Variants in UGT1A9 observed in about 807,000 individuals in gnomAD.
UGT1A9 encodes UDP-glucuronosyltransferase 1A9.
Under a neutral mutation model 45.0 loss-of-function variants are expected in UGT1A9, and 35 were observed. That is an observed-to-expected ratio of 0.78 (90% CI 0.59 to 1.03). The LOEUF (loss-of-function observed/expected upper bound fraction) is 1.03, where lower values mean the gene tolerates loss of function less well. Ranked by LOEUF, UGT1A9 falls within the 50% of genes least tolerant of loss-of-function variation. The probability of loss-of-function intolerance (pLI) is 0.00; values close to 1 mark genes in which losing one functional copy is unlikely to be tolerated. For synonymous variants in UGT1A9, 278 were observed against 250.6 expected, an observed-to-expected ratio of 1.11 and a Z score of -1.03; for missense variants, 687 against 666.6, an observed-to-expected ratio of 1.03 and a Z score of -0.34.
chr2:233,762,168 C>A (rs986737504), intron 1 of UGT1A9, among the ~76,000 whole-genome samples: 2 of 152,090 alleles, frequency 1.3e-5, no homozygotes, highest in African/African-American at 2.4e-5. Flanking sequence ...CCACTGTATG[C>A]GGCGTCCTCA....
chr2:233,710,959 TG>T (rs2076155501), intron 1 of UGT1A9, among the ~76,000 whole-genome samples: 1 of 152,232 alleles, frequency 6.6e-6, no homozygotes, highest in Non-Finnish European at 1.5e-5. Context: ...TCTCTGAGAT[TG>T]GCAGAGGGGA....
chr2:233,729,473 T>G, intron 1 of UGT1A9: 1 of 1,614,206 alleles, frequency 6.2e-7, no homozygotes, highest in Non-Finnish European at 8.5e-7. Flanking sequence ...AGTATGGCAA[T>G]GTTGAACAAT....
chr2:233,684,062 C>A (rs2074661866), intron 1 of UGT1A9, among the ~76,000 whole-genome samples: 1 of 152,122 alleles, frequency 6.6e-6, no homozygotes, highest in African/African-American at 2.4e-5. Flanking sequence ...GGTGTCTGAT[C>A]TAAGTATATT....
chr2:233,770,760 A>G (rs1700148901), intron 4 of UGT1A9: 1 of 152,240 alleles, frequency 6.6e-6, no homozygotes, highest in Non-Finnish European at 1.5e-5. Context: ...CTAATATTAC[A>G]TTATAATAAT....
intron 1 of UGT1A9, chr2:233,708,761 C>T (rs7583278): frequency 0.42 from 63,889 of 151,386 alleles, 14,561 homozygotes; most frequent in African/African-American, 0.59. Context: ...ACTCCCCACC[C>T]CCCCCCAAAT....
At chr2:233,689,112 ACCACAAC>A (rs1381460618) in intron 1 of UGT1A9, among the ~76,000 whole-genome samples, 1 of 152,200 alleles carries the variant, frequency 6.6e-6, no homozygotes, top group Non-Finnish European at 1.5e-5. Flanking sequence ...TGCTCCTGGA[ACCACAAC>A]CCACATTGTT....
chr2:233,681,130 G>A (rs1310080608), intron 1 of UGT1A9, among the ~76,000 whole-genome samples: 1 of 151,768 alleles, frequency 6.6e-6, no homozygotes, highest in Admixed American at 6.6e-5. Flanking sequence ...AGAGACACAG[G>A]TGAGCCGCAA....
rs140853103 is a variant in UGT1A9 at position 233,683,961 on chromosome 2, G to A, written c.855+11172G>A. On this transcript the variant is annotated intron_variant, in intron 1 of 4. Transcript: ENST00000354728. ...TGTTGGTCTAGCCAGCTTAAATTAG[G>A]ATTTGGTCACTTGCAATTGAAAAAG... Among the ~76,000 whole-genome samples the A allele has an allele frequency of 1.4e-4, 21 of 152,256 alleles. No homozygotes were observed. The South Asian group carries it at 3.1e-3, about 23-fold the overall frequency.
intron 1 of UGT1A9, chr2:233,713,825 C>T: frequency 1.2e-6 from 2 of 1,614,052 alleles, no homozygotes; most frequent in South Asian, 2.2e-5. Flanking sequence ...TCATTGGGGG[C>T]ATCAACTGTG....
intron 1 of UGT1A9, among the ~76,000 whole-genome samples, chr2:233,744,276 T>C (rs1409934425): frequency 2.0e-5 from 3 of 151,780 alleles, no homozygotes; most frequent in South Asian, 2.1e-4. Context: ...AAGTAGGCTT[T>C]ATATCAGTCT....
chr2:233,699,856 T>A (rs904359960), intron 1 of UGT1A9, among the ~76,000 whole-genome samples: 1 of 152,216 alleles, frequency 6.6e-6, no homozygotes, highest in South Asian at 2.1e-4. Flanking sequence ...AGGACAGATA[T>A]GTCTGAAGAC....
chr2:233,693,267 A>G lies in UGT1A9; in HGVS notation c.855+20478A>G, dbSNP rs759897162. The G allele has an allele frequency of 1.2e-5, 19 of 1,614,050 alleles. No individual in the cohort carries two copies. In the Admixed American group the frequency reaches 3.2e-4, roughly 27 times the overall value. ...GTGCCGTATGACCAAGAAGAGCTGAAGAACCGTTACCAATCATTTGGAAAC... is the reference window on the plus strand; with the variant it reads ...GTGCCGTATGACCAAGAAGAGCTGAGGAACCGTTACCAATCATTTGGAAAC... On this transcript the variant is annotated intron_variant, in intron 1 of 4. Transcript: ENST00000354728.
intron 2 of UGT1A9, among the ~76,000 whole-genome samples, chr2:233,767,485 A>G (rs764164317): frequency 5.9e-4 from 90 of 152,344 alleles, no homozygotes; most frequent in Non-Finnish European, 1.1e-3. Flanking sequence ...AAATAGAAGT[A>G]TTTCTCCAAA....
chr2:233,693,429 G>A, intron 1 of UGT1A9: 2 of 1,614,166 alleles, frequency 1.2e-6, no homozygotes, highest in Non-Finnish European at 1.7e-6. Context: ...TTTAAGGAGA[G>A]CAAGTTTGAT....
intron 1 of UGT1A9, among the ~76,000 whole-genome samples, chr2:233,720,635 C>T (rs1197990739): frequency 6.6e-6 from 1 of 151,750 alleles, no homozygotes; most frequent in Non-Finnish European, 1.5e-5. Context: ...TGAAATAGTA[C>T]TCTGGGATGT....
intron 1 of UGT1A9, among the ~76,000 whole-genome samples, chr2:233,765,948 C>T (rs1314751958): frequency 6.6e-6 from 1 of 152,116 alleles, no homozygotes; most frequent in African/African-American, 2.4e-5. Context: ...GCTCTGACCT[C>T]ACCGGCAGTG....
At position 233,707,178 on chromosome 2, in the gene UGT1A9, G is replaced by A. The variant is rs188672794; in HGVS notation, c.855+34389G>A. 2.8e-3 allele frequency among the ~76,000 whole-genome samples: 419 copies of A among 152,098 alleles called. 4 individuals are homozygous for A. Among genetic ancestry groups the A allele is most frequent in the African/African-American group, 9.8e-3 (406 of 41,496 alleles). Reference sequence around the variant, plus strand: ...TATCAGCACCCAGACATCCATCCTGGGTGCCTGCCCTCCGTTCTATTCCCT... The same window carrying A: ...TATCAGCACCCAGACATCCATCCTGAGTGCCTGCCCTCCGTTCTATTCCCT... On this transcript the variant is annotated intron_variant, in intron 1 of 4. Coordinates refer to ENST00000354728, the MANE Select transcript of UGT1A9 (RefSeq NM_021027.3).
chr2:233,724,135 A>G (rs1575550109), intron 1 of UGT1A9, among the ~76,000 whole-genome samples: 4 of 118,266 alleles, frequency 3.4e-5, no homozygotes, highest in Non-Finnish European at 5.1e-5. Context: ...CACCTCCCGG[A>G]CGGGGCGGCT....
At position 233,772,420 on chromosome 2, in the gene UGT1A9, C is replaced by G. The variant is rs72551360; in HGVS notation, c.1454C>G (p.Ser485Cys). Residue 485 changes from serine (S) to cysteine (C), a missense_variant, in exon 5 of 5, where the codon TCC becomes TGC. Ser to Cys is a moderately radical substitution (Grantham distance 112, BLOSUM62 -1). Coordinates refer to ENST00000354728, the MANE Select transcript of UGT1A9 (RefSeq NM_021027.3). ...GACCTCACCTGGTACCAGTACCATTCCTTGGACGTGATTGGTTTCCTCTTG... is the reference window on the plus strand; with the variant it reads ...GACCTCACCTGGTACCAGTACCATTGCTTGGACGTGATTGGTTTCCTCTTG... ...AHDLTWYQYH[S>C]LDVIGFLLAV... is the part of the protein sequence containing the mutation. The G allele has an allele frequency of 1.2e-6, 2 of 1,614,120 alleles. No homozygotes were observed. Among genetic ancestry groups the G allele is most frequent in the African/African-American group, 2.7e-5 (2 of 74,942 alleles).
Sources: gnomAD v4.1 joint callset for allele counts (sites outside exome capture counted in the v4.1 genomes callset) on GRCh38, gnomAD v4.1.1 for gene constraint, MANE v1.5 for transcripts, NCBI Gene and HGNC (gene_info 2026-07-23, HGNC 2026-07-21) for gene names.